IMMP2L: variants seen among roughly 807,000 people sequenced by gnomAD.
IMMP2L encodes mitochondrial inner membrane protease subunit 2.
A neutral mutation model predicts 19.3 loss-of-function variants in IMMP2L; 18 were observed. The observed-to-expected ratio is 0.93, with a 90% confidence interval of 0.64 to 1.38. The LOEUF is 1.38. Ranked by LOEUF, IMMP2L falls within the 40% of genes most tolerant of loss-of-function variation. The probability of loss-of-function intolerance (pLI) is 0.00; values close to 1 mark genes in which losing one functional copy is unlikely to be tolerated. For synonymous variants in IMMP2L, 76 were observed against 73.0 expected (o/e 1.04, Z -0.21); for missense variants, 233 against 218.2 (o/e 1.07, Z -0.43).
intron 3 of IMMP2L, among the ~76,000 whole-genome samples, chr7:111,231,551 T>C (rs1223142729): frequency 2.0e-5 from 3 of 152,000 alleles, no homozygotes; most frequent in Non-Finnish European, 4.4e-5. Context: ...GCCTGGTTTT[T>C]TTTCCCCTCT....
chr7:111,526,225 G>A (rs911660303), intron 1 of IMMP2L, among the ~76,000 whole-genome samples: 1 of 152,156 alleles, frequency 6.6e-6, no homozygotes, highest in African/African-American at 2.4e-5. Context: ...ATACAGTATA[G>A]TACCATTCAA....
At chr7:111,191,692 G>A (rs1808897639) in intron 3 of IMMP2L, among the ~76,000 whole-genome samples, 1 of 151,976 alleles carries the variant, frequency 6.6e-6, no homozygotes, top group Admixed American at 6.6e-5. Context: ...ACCAGTTACT[G>A]TCTTTAGGAA....
At chr7:110,852,189 G>T (rs537216474) in intron 5 of IMMP2L, among the ~76,000 whole-genome samples, 37 of 147,992 alleles carry the variant, frequency 2.5e-4, no homozygotes, top group Admixed American at 1.9e-3. Flanking sequence ...AGGATGGATG[G>T]GTGGATGGAA....
chr7:111,113,491 A>G (rs147785483), intron 3 of IMMP2L, among the ~76,000 whole-genome samples: 2 of 152,250 alleles, frequency 1.3e-5, no homozygotes, highest in African/African-American at 2.4e-5. Context: ...GTGCCTGTTC[A>G]TAAAATCAAC....
chr7:111,158,774 T>C (rs901286258), intron 3 of IMMP2L, among the ~76,000 whole-genome samples: 5 of 152,130 alleles, frequency 3.3e-5, no homozygotes, highest in Admixed American at 6.6e-5. Context: ...GAAGAACAAA[T>C]AATTTGTTCT....
At chr7:110,835,021 A>T (rs370938628) in intron 5 of IMMP2L, among the ~76,000 whole-genome samples, 6 of 152,090 alleles carry the variant, frequency 3.9e-5, no homozygotes, top group East Asian at 1.9e-4. Flanking sequence ...TCACCTGAAA[A>T]TTTTTTTCCC....
Position 110,851,473 on chromosome 7 carries a change from C to T in IMMP2L, c.408+35120G>A, listed in dbSNP as rs568306813. Reference sequence around the variant, plus strand: ...TCTCCCTTCCTTCCTTGTCCTGAGACGTTGTTTATGTTGCCTTTGAAGATA... The same window carrying T: ...TCTCCCTTCCTTCCTTGTCCTGAGATGTTGTTTATGTTGCCTTTGAAGATA... On this transcript the variant is annotated intron_variant, in intron 5 of 5. Transcript: ENST00000405709. Among the ~76,000 whole-genome samples the T allele has an allele frequency of 7.9e-5, 12 of 152,186 alleles. No homozygotes were observed. In the South Asian group the frequency reaches 1.9e-3, roughly 24 times the overall value.
At chr7:111,101,571 G>A (rs1332449276) in intron 3 of IMMP2L, among the ~76,000 whole-genome samples, 2 of 151,142 alleles carry the variant, frequency 1.3e-5, no homozygotes, top group East Asian at 3.9e-4. Flanking sequence ...TGAGACAATC[G>A]TTCGAATTAA....
chr7:111,059,850 G>C (rs1220501666), intron 3 of IMMP2L, among the ~76,000 whole-genome samples: 1 of 151,574 alleles, frequency 6.6e-6, no homozygotes, highest in Non-Finnish European at 1.5e-5. Flanking sequence ...TTTTCATTCA[G>C]GGTATGAATA....
intron 1 of IMMP2L, among the ~76,000 whole-genome samples, chr7:111,550,049 A>G (rs1467374026): frequency 1.3e-5 from 2 of 152,072 alleles, no homozygotes; most frequent in South Asian, 2.1e-4. Context: ...AGTTATTAAT[A>G]TTTAACAAAA....
chr7:110,778,563 T>C (rs1799542997), intron 5 of IMMP2L, among the ~76,000 whole-genome samples: 1 of 152,016 alleles, frequency 6.6e-6, no homozygotes, highest in Non-Finnish European at 1.5e-5. Context: ...AGCAAACTTA[T>C]TTTTATTCCT....
intron 5 of IMMP2L, chr7:110,725,668 TTG>T (rs1795841348): frequency 6.6e-6 from 1 of 152,160 alleles, no homozygotes; most frequent in African/African-American, 2.4e-5. Flanking sequence ...AAATAATCAC[TTG>T]CTAATGGAGA....
At chr7:111,355,486 CTTAAT>C (rs1364159841) in intron 3 of IMMP2L, among the ~76,000 whole-genome samples, 4 of 151,582 alleles carry the variant, frequency 2.6e-5, no homozygotes, top group Non-Finnish European at 1.5e-5. Flanking sequence ...TGTATATCCT[CTTAAT>C]TAGTAATTTC....
rs149000003 is a variant in IMMP2L at position 111,305,644 on chromosome 7, T to G, written c.239+181594A>C. Among the ~76,000 whole-genome samples the G allele has an allele frequency of 3.3e-3, 496 of 152,306 alleles. 4 individuals carry two copies. In the Middle Eastern group the frequency reaches 0.044, roughly 14 times the overall value. On this transcript the variant is annotated intron_variant, in intron 3 of 5. Coordinates refer to ENST00000405709, the MANE Select transcript of IMMP2L (RefSeq NM_032549.4). Reference sequence around the variant, plus strand: ...CAAATTAATAAATTAGCACTCTGATTTATATATCAGTAATACCAGATAACA... The same window carrying G: ...CAAATTAATAAATTAGCACTCTGATGTATATATCAGTAATACCAGATAACA...
intron 3 of IMMP2L, among the ~76,000 whole-genome samples, chr7:111,110,362 T>A (rs1052004803): frequency 7.2e-5 from 11 of 152,218 alleles, no homozygotes; most frequent in Non-Finnish European, 1.3e-4. Flanking sequence ...CAAAGTTTAA[T>A]TATGCTTCTC....
intron 5 of IMMP2L, among the ~76,000 whole-genome samples, chr7:110,797,352 G>A (rs1800933196): frequency 6.6e-6 from 1 of 151,962 alleles, no homozygotes; most frequent in South Asian, 2.1e-4. Flanking sequence ...CTTTAAGGAA[G>A]AAATAATATT....
intron 5 of IMMP2L, among the ~76,000 whole-genome samples, chr7:110,811,758 G>A (rs1475778229): frequency 6.6e-6 from 1 of 152,016 alleles, no homozygotes; most frequent in African/African-American, 2.4e-5. Context: ...CTGGCATCTC[G>A]TACCCTTTCT....
chr7:110,744,146 G>T (rs758382751), intron 5 of IMMP2L, among the ~76,000 whole-genome samples: 6 of 152,160 alleles, frequency 3.9e-5, no homozygotes, highest in Non-Finnish European at 8.8e-5. Context: ...CCACCAGGAC[G>T]TTCGAACTGG....
At chr7:110,756,702 G>A (rs1446523621) in intron 5 of IMMP2L, among the ~76,000 whole-genome samples, 1 of 152,102 alleles carries the variant, frequency 6.6e-6, no homozygotes, top group African/African-American at 2.4e-5. Flanking sequence ...CATGCCAACT[G>A]TTAATTTAAG....
Sources: allele counts gnomAD v4.1 joint callset (sites outside exome capture counted in the v4.1 genomes callset), GRCh38; gene constraint gnomAD v4.1.1; transcripts MANE v1.5; gene names NCBI Gene and HGNC (gene_info 2026-07-23, HGNC 2026-07-21).